SDAD1: variants seen among roughly 807,000 people sequenced by gnomAD.
SDAD1 encodes the protein protein SDA1 homolog.
In SDAD1, 79 loss-of-function variants were observed where a neutral mutation model predicts 100.3. The ratio of observed to expected loss-of-function variants is 0.79; its 90% CI spans 0.66 to 0.95. The LOEUF (loss-of-function observed/expected upper bound fraction) is 0.95. Ranked by LOEUF, SDAD1 falls within the 40% of genes least tolerant of loss-of-function variation. The pLI is 0.00. For missense variants in SDAD1, 790 were observed against 810.9 expected, an observed-to-expected ratio of 0.97 and a Z score of 0.31; for synonymous variants, 267 against 271.4, an observed-to-expected ratio of 0.98 and a Z score of 0.16.
At chr4:75,952,332 T>A (rs767867491) in intron 21 of SDAD1, among the ~76,000 whole-genome samples, 30 of 152,208 alleles carry the variant, frequency 2.0e-4, no homozygotes, top group Non-Finnish European at 5.9e-5. Context: ...CTTCCACTCA[T>A]TAAGCTTTGT....
chr4:75,956,010 G>C lies in SDAD1; in HGVS notation c.1981C>G (p.Arg661Gly), dbSNP rs202126090. The part of the protein sequence containing the change: ...FMMMRYSQNV[R>G]SKNKRSFREK... ...CGGAAGGAACGCTTATTTTTTGACC[G>C]GACATTCTGGCTATACCGCATCATC... Residue 661 changes from arginine (R) to glycine (G), a missense_variant, in exon 21 of 22, where the codon CGG (arginine) becomes GGG (glycine). Arg to Gly is a moderately radical substitution (Grantham distance 125, BLOSUM62 -2). Coordinates refer to ENST00000356260, the MANE Select transcript of SDAD1 (RefSeq NM_018115.4). 1 of 1,598,598 alleles carries C rather than the reference G, an allele frequency of 6.3e-7. No homozygotes were observed. The highest frequency in any genetic ancestry group is 8.5e-7 in the Non-Finnish European group (1 of 1,176,150).
At chr4:75,959,097 CAAAAAAAAAA>C (rs61245198) in intron 17 of SDAD1, among the ~76,000 whole-genome samples, 12 of 54,986 alleles carry the variant, frequency 2.2e-4, no homozygotes, top group South Asian at 2.2e-3. Flanking sequence ...GACTCTGTCT[CAAAAAAAAAA>C]AAAAAAAAAA....
At chr4:75,971,252 T>A (rs1250975083) in intron 9 of SDAD1, 105 bp downstream of exon 9, 9 of 744,298 alleles carry the variant, frequency 1.2e-5, no homozygotes, top group Non-Finnish European at 2.0e-5. Context: ...TTTCTAAGTA[T>A]TCTGAAAATG....
intron 1 of SDAD1, among the ~76,000 whole-genome samples, chr4:75,982,304 G>T (rs1038656472): frequency 1.3e-5 from 2 of 152,200 alleles, no homozygotes; most frequent in Non-Finnish European, 2.9e-5. Flanking sequence ...GAACAGAGAA[G>T]CATGAATCCC....
At chr4:75,984,227 T>A (rs1268159593) in intron 1 of SDAD1, among the ~76,000 whole-genome samples, 1 of 150,698 alleles carries the variant, frequency 6.6e-6, no homozygotes, top group Non-Finnish European at 1.5e-5. Context: ...AGTGGCACAA[T>A]CATAGCTCAC....
At chr4:75,985,796 G>T (rs537089601) in intron 1 of SDAD1, among the ~76,000 whole-genome samples, 1 of 152,076 alleles carries the variant, frequency 6.6e-6, no homozygotes, top group African/African-American at 2.4e-5. Flanking sequence ...TCAACTAGAG[G>T]TATATTCCTC....
rs960379493 is a variant in SDAD1, at chr4:75,970,176, C to T, written c.883+133G>A. Reference sequence around the variant, plus strand: ...TGACAATTTTGTAGGTTACAACCAACTAGTAACAACTAAGCATTTATTGAC... The same window carrying T: ...TGACAATTTTGTAGGTTACAACCAATTAGTAACAACTAAGCATTTATTGAC... On this transcript the variant is annotated intron_variant, in intron 10 of 21. Transcript: ENST00000356260. 10 of 676,062 alleles carry T rather than the reference C, an allele frequency of 1.5e-5. No homozygotes were observed. In the African/African-American group the frequency reaches 1.8e-4, roughly 12 times the overall value. 41.9% of individuals were successfully genotyped at this position (676,062 alleles called of 1,614,324 possible). A position where few individuals can be genotyped will look rare whatever the true frequency, so the allele number is the denominator to read the frequency against.
At chr4:75,957,255 A>G in intron 20 of SDAD1, 70 bp downstream of exon 20, 3 of 1,319,386 alleles carry the variant, frequency 2.3e-6, no homozygotes, top group Non-Finnish European at 3.2e-6. Flanking sequence ...CTGTGGCTAT[A>G]CAAGTTCTGG....
At chr4:75,964,505 T>C (rs899354213) in intron 13 of SDAD1, among the ~76,000 whole-genome samples, 1 of 152,074 alleles carries the variant, frequency 6.6e-6, no homozygotes. Context: ...AAAATCAGAA[T>C]TCTAAACAAC....
intron 2 of SDAD1, 37 bp from the exon 3 acceptor site, chr4:75,981,507 T>C (rs373181465): frequency 1.1e-5 from 17 of 1,612,178 alleles, no homozygotes; most frequent in Non-Finnish European, 1.4e-5. Flanking sequence ...AGTTGCTCTC[T>C]TTCTCTCCTA....
chr4:75,989,167 G>A (rs527320691), intron 1 of SDAD1, among the ~76,000 whole-genome samples: 132 of 152,184 alleles, frequency 8.7e-4, no homozygotes, highest in African/African-American at 3.0e-3. Flanking sequence ...ATCTTCCACT[G>A]CCCTCTTCTA....
intron 1 of SDAD1, among the ~76,000 whole-genome samples, chr4:75,982,339 G>T (rs1174191056): frequency 6.6e-6 from 1 of 152,162 alleles, no homozygotes; most frequent in Admixed American, 6.5e-5. Context: ...GCCCTGTTCT[G>T]CCAGTTACTA....
chr4:75,978,982 G>GAGAAAAA (rs1553920329), intron 3 of SDAD1, among the ~76,000 whole-genome samples: 1 of 38,036 alleles, frequency 2.6e-5, no homozygotes, highest in Non-Finnish European at 6.4e-5. Context: ...CCCTGTCTCA[G>GAGAAAAA]AAAAAAAAAA....
chr4:75,990,572 TG>T, intron 1 of SDAD1, 179 bp downstream of exon 1: 1 of 1,307,664 alleles, frequency 7.6e-7, no homozygotes, highest in Non-Finnish European at 1.1e-6. Context: ...TTTCAAGAGG[TG>T]GGGAACGAAC....
intron 3 of SDAD1, chr4:75,981,103 T>C (rs1730476889): frequency 8.8e-6 from 3 of 339,320 alleles, no homozygotes; most frequent in South Asian, 4.8e-5. Context: ...GCTGGAAGAA[T>C]AGAAAGATCA....
chr4:75,976,850 T>A (rs1730185610), intron 4 of SDAD1, among the ~76,000 whole-genome samples: 1 of 152,242 alleles, frequency 6.6e-6, no homozygotes, highest in Admixed American at 6.5e-5. Flanking sequence ...CCACTTTTAT[T>A]CCACAAATTA....
At chr4:75,976,314 T>C (rs1730158615) in intron 4 of SDAD1, among the ~76,000 whole-genome samples, 1 of 152,184 alleles carries the variant, frequency 6.6e-6, no homozygotes. Context: ...TGGAAATAAC[T>C]TAAATTTCCA....
chr4:75,959,956 T>C, intron 17 of SDAD1, 110 bp downstream of exon 17: 3 of 1,193,638 alleles, frequency 2.5e-6, no homozygotes, highest in South Asian at 1.7e-5. Flanking sequence ...CACATAGTCA[T>C]TGCTCAATAA....
Position 75,970,390 on chromosome 4 carries a change from A to T in SDAD1, c.814-12T>A. ...TTCTTTTTTTGTTTCTGAAAGGGAG[A>T]GGAAAAACATTTTCAGTCTGAGTTA... On this transcript the variant is annotated splice_polypyrimidine_tract_variant and intron_variant, in intron 9 of 21. Coordinates refer to ENST00000356260, the MANE Select transcript of SDAD1 (RefSeq NM_018115.4). 6.2e-7 allele frequency: 1 copy of T among 1,603,342 alleles called. No homozygotes were observed. Among genetic ancestry groups the T allele is most frequent in the Non-Finnish European group, 8.5e-7 (1 of 1,170,492 alleles).
Sources: gnomAD v4.1 joint callset for allele counts (sites outside exome capture counted in the v4.1 genomes callset) on GRCh38, gnomAD v4.1.1 for gene constraint, MANE v1.5 for transcripts, NCBI Gene and HGNC (gene_info 2026-07-23, HGNC 2026-07-21) for gene names.